PPP2R2D: variants seen among roughly 807,000 people sequenced by gnomAD.
The protein encoded by PPP2R2D is protein phosphatase 2 regulatory subunit Bdelta.
A neutral mutation model predicts 31.1 loss-of-function variants in PPP2R2D; 9 were observed. The ratio of observed to expected loss-of-function variants is 0.29; its 90% CI spans 0.17 to 0.51. The LOEUF is 0.51. Ranked by LOEUF, PPP2R2D falls within the 20% of genes least tolerant of loss-of-function variation. The pLI is 0.98. For missense variants in PPP2R2D, 391 were observed against 465.6 expected (o/e 0.84, Z 1.48); for synonymous variants, 179 against 172.6 (o/e 1.04, Z -0.29).
At chr10:131,941,509 T>G (rs981537308) in intron 5 of PPP2R2D, among the ~76,000 whole-genome samples, 4 of 152,014 alleles carry the variant, frequency 2.6e-5, no homozygotes, top group Non-Finnish European at 5.9e-5. Flanking sequence ...CGTTACTAGA[T>G]TGGAAAACCG....
intron 3 of PPP2R2D, among the ~76,000 whole-genome samples, chr10:131,937,512 G>A (rs1291270150): frequency 7.9e-5 from 12 of 151,920 alleles, no homozygotes; most frequent in East Asian, 1.9e-4. Context: ...CTAGCAGAGC[G>A]GCACTCCATG....
intron 5 of PPP2R2D, 34 bp from the exon 6 acceptor site, chr10:131,943,934 T>C: frequency 1.3e-6 from 1 of 779,712 alleles, no homozygotes; most frequent in Non-Finnish European, 2.4e-6. Context: ...TGCTGTGATC[T>C]TTGTTTTGAA....
At chr10:131,937,060 A>G (rs1047890943) in intron 3 of PPP2R2D, among the ~76,000 whole-genome samples, 3 of 152,214 alleles carry the variant, frequency 2.0e-5, no homozygotes, top group Non-Finnish European at 4.4e-5. Flanking sequence ...AGCTGCAGCA[A>G]GGTTCACAGG....
intron 2 of PPP2R2D, among the ~76,000 whole-genome samples, chr10:131,931,929 C>T (rs1297445008): frequency 2.6e-5 from 4 of 152,078 alleles, no homozygotes; most frequent in African/African-American, 7.3e-5. Context: ...GAATGGGGGG[C>T]GACCTGGGGA....
chr10:131,951,086 G>GA (rs1447659610), intron 8 of PPP2R2D, among the ~76,000 whole-genome samples: 4 of 152,192 alleles, frequency 2.6e-5, no homozygotes, highest in Admixed American at 2.6e-4. Context: ...CGCAGAAATG[G>GA]AAAAATAAAT....
chr10:131,930,731 G>A (rs1554895571), intron 2 of PPP2R2D, among the ~76,000 whole-genome samples: 2 of 152,136 alleles, frequency 1.3e-5, no homozygotes, highest in East Asian at 1.9e-4. Flanking sequence ...AGATGTGCGC[G>A]GCCTGGGTCT....
chr10:131,950,877 G>A (rs781787935), intron 8 of PPP2R2D, among the ~76,000 whole-genome samples: 10 of 152,160 alleles, frequency 6.6e-5, no homozygotes, highest in Admixed American at 2.0e-4. Flanking sequence ...CTTTAAGAAG[G>A]CCCCAAAAGC....
At chr10:131,907,917 T>C (rs902631361) in intron 2 of PPP2R2D, among the ~76,000 whole-genome samples, 15 of 152,198 alleles carry the variant, frequency 9.9e-5, no homozygotes, top group Non-Finnish European at 1.2e-4. Flanking sequence ...CAGTCTGCTG[T>C]TCTGATGGGA....
At chr10:131,922,266 C>T (rs1239866368) in intron 2 of PPP2R2D, among the ~76,000 whole-genome samples, 1 of 152,146 alleles carries the variant, frequency 6.6e-6, no homozygotes, top group African/African-American at 2.4e-5. Context: ...GCCGTATTTA[C>T]AGTAAGGTAA....
intron 2 of PPP2R2D, among the ~76,000 whole-genome samples, chr10:131,928,340 T>C (rs908241101): frequency 4.6e-5 from 7 of 152,238 alleles, no homozygotes; most frequent in Non-Finnish European, 1.0e-4. Context: ...TCTGTGGTTA[T>C]GTGCCAGGAA....
At position 131,945,269 on chromosome 10, in the gene PPP2R2D, A is replaced by C; in HGVS notation, c.656-26A>C. 2.5e-6 allele frequency: 4 copies of C among 1,603,202 alleles called. No individual in the cohort carries two copies. Among genetic ancestry groups the C allele is most frequent in the Non-Finnish European group, 1.7e-6 (2 of 1,173,600 alleles). ...TAATTAACAACCAGCTGAGCTGAGC[A>C]CTGTGCCTTAACCATGCACTCCCAG... On this transcript the variant is annotated intron_variant, in intron 6 of 8. Transcript: ENST00000455566. This position sits in a 1 kb window ranked among gnomAD's most constrained non-coding sequence, Gnocchi z 4.8.
intron 2 of PPP2R2D, among the ~76,000 whole-genome samples, chr10:131,931,070 G>T (rs1051984615): frequency 6.6e-6 from 1 of 152,154 alleles, no homozygotes; most frequent in East Asian, 1.9e-4. Context: ...CCACTCACCC[G>T]CAGGGGCTTG....
chr10:131,970,873 A>C, the PPP2R2D span: 30 of 1,614,098 alleles, frequency 1.9e-5, no homozygotes, highest in East Asian at 6.5e-4. This position sits in a 1 kb window ranked among gnomAD's most constrained non-coding sequence, Gnocchi z 4.1. Flanking sequence ...CTTGGGGGGA[A>C]TATTTTCCGG....
At chr10:131,901,856 C>T (rs1168155643) in intron 2 of PPP2R2D, among the ~76,000 whole-genome samples, 1 of 152,218 alleles carries the variant, frequency 6.6e-6, no homozygotes, top group Non-Finnish European at 1.5e-5. Context: ...CTCCCTGATT[C>T]TTAAGGTCTG....
At chr10:131,963,902 G>A (rs1554901845), downstream of PPP2R2D, among the ~76,000 whole-genome samples, 1 of 152,160 alleles carries the variant, frequency 6.6e-6, no homozygotes, top group Non-Finnish European at 1.5e-5. Context: ...CACCTGCCTT[G>A]GCACCTGCCT....
intron 8 of PPP2R2D, among the ~76,000 whole-genome samples, chr10:131,954,358 G>GT (rs2036751689): frequency 6.6e-6 from 1 of 152,236 alleles, no homozygotes; most frequent in Admixed American, 6.5e-5. Flanking sequence ...ATAAATGTAA[G>GT]CTTCAGATTC....
chr10:131,964,664 A>ATTTT (rs782297365), downstream of PPP2R2D, among the ~76,000 whole-genome samples: 83 of 126,724 alleles, frequency 6.5e-4, 3 homozygotes, highest in East Asian at 4.0e-3. Flanking sequence ...AGAGTTTACT[A>ATTTT]TGTTTTTTTT....
Position 131,901,126 on chromosome 10 carries a change from C to T in PPP2R2D, c.-23C>T, listed in dbSNP as rs2035484854. 2 of 257,130 alleles carry T rather than the reference C, an allele frequency of 7.8e-6. No homozygotes were observed. Among genetic ancestry groups the T allele is most frequent in the Non-Finnish European group, 1.5e-5 (2 of 137,360 alleles). 15.9% of individuals were successfully genotyped at this position (257,130 alleles called of 1,614,324 possible). ...CGTCTCCCTGGTCTGCCGCGGTCCC[C>T]GCCCGTCCCGCCGCCGGCTGCCATG... On this transcript the variant is annotated 5_prime_UTR_variant, in exon 1 of 9. Transcript: ENST00000455566.
chr10:131,913,567 GGACAAAAGGC>G (rs1447808533), intron 2 of PPP2R2D, among the ~76,000 whole-genome samples: 1 of 152,114 alleles, frequency 6.6e-6, no homozygotes, highest in Non-Finnish European at 1.5e-5. Context: ...ATAATGTGTG[GGACAAAAGGC>G]GATTGGTGAA....
Sources: allele counts gnomAD v4.1 joint callset (sites outside exome capture counted in the v4.1 genomes callset), GRCh38; gene constraint gnomAD v4.1.1; non-coding constraint Gnocchi (gnomAD v3.1); transcripts MANE v1.5; gene names NCBI Gene and HGNC (gene_info 2026-07-23, HGNC 2026-07-21).